Variants in TNR observed in about 807,000 individuals in gnomAD.
The protein encoded by TNR is tenascin-R.
In TNR, 45 loss-of-function variants were observed where a neutral mutation model predicts 150.4. The ratio of observed to expected loss-of-function variants is 0.30; its 90% confidence interval spans 0.24 to 0.38. The LOEUF (loss-of-function observed/expected upper bound fraction) is 0.38, where lower values mean the gene tolerates loss of function less well. TNR is among the 10% of genes least tolerant of loss of function. The pLI, the probability that TNR is intolerant of heterozygous loss-of-function variation, is 1.00. For synonymous variants in TNR, 687 were observed against 678.4 expected, an observed-to-expected ratio of 1.01 and a Z score of -0.20; for missense variants, 1,544 against 1,759.1, an observed-to-expected ratio of 0.88 and a Z score of 2.19.
chr1:175,609,249 T>A (rs1265125509), intron 1 of TNR, among the ~76,000 whole-genome samples: 1 of 152,198 alleles, frequency 6.6e-6, no homozygotes, highest in East Asian at 1.9e-4. Flanking sequence ...GTTTGACTTA[T>A]ATAAATATTA....
intron 2 of TNR, among the ~76,000 whole-genome samples, chr1:175,505,426 C>G (rs1050660860): frequency 6.6e-6 from 1 of 152,258 alleles, no homozygotes. Flanking sequence ...CTCAGCCCTC[C>G]TCCGTTCCCC....
At position 175,657,883 on chromosome 1, in the gene TNR, A is replaced by ATATATATATATATATATATG. The variant is rs1464419575; in HGVS notation, c.-165+85342_-165+85343insCATATATATATATATATATA. Among the ~76,000 whole-genome samples, 181 of 101,092 alleles carry ATATATATATATATATATATG rather than the reference A, an allele frequency of 1.8e-3. 10 individuals are homozygous for ATATATATATATATATATATG. The highest frequency in any genetic ancestry group is 2.6e-3 in the Non-Finnish European group (129 of 48,746). The allele number at this position is 101,092 out of a possible 152,430, so 66.3% of individuals were successfully genotyped here. A position where few individuals can be genotyped will look rare whatever the true frequency, so the allele number is the denominator to read the frequency against. ...TATATATATATATATATATATATATATGTAACAAACCTGCACGTTGTGCAC... is the reference window on the plus strand; with the variant it reads ...TATATATATATATATATATATATATATATATATATATATATATATGTGTAACAAACCTGCACGTTGTGCAC... On this transcript the variant is annotated intron_variant, in intron 1 of 22. Coordinates refer to ENST00000367674, the MANE Select transcript of TNR (RefSeq NM_003285.3).
chr1:175,659,900 T>TC (rs2101895936), intron 1 of TNR, among the ~76,000 whole-genome samples: 1 of 145,186 alleles, frequency 6.9e-6, no homozygotes, highest in Admixed American at 6.8e-5. Context: ...GGGTGTCATT[T>TC]TTTTTTTTTT....
intron 1 of TNR, among the ~76,000 whole-genome samples, chr1:175,662,554 G>A (rs553594267): frequency 1.2e-4 from 18 of 152,362 alleles, no homozygotes; most frequent in Middle Eastern, 3.4e-3. Flanking sequence ...CAGGTAGGCA[G>A]TTGATAATGT....
chr1:175,358,974 G>A (rs944268483), intron 15 of TNR, among the ~76,000 whole-genome samples: 1 of 151,896 alleles, frequency 6.6e-6, no homozygotes, highest in Non-Finnish European at 1.5e-5. Flanking sequence ...TTTCTTGTTT[G>A]TAGCATTTTG....
chr1:175,733,105 G>T (rs1447169717), intron 1 of TNR, among the ~76,000 whole-genome samples: 1 of 152,204 alleles, frequency 6.6e-6, no homozygotes, highest in South Asian at 2.1e-4. Context: ...AACGTTAGAA[G>T]TAAAAATGCT....
At chr1:175,506,076 G>A (rs1658946533) in intron 2 of TNR, among the ~76,000 whole-genome samples, 2 of 152,184 alleles carry the variant, frequency 1.3e-5, no homozygotes, top group African/African-American at 4.8e-5. Flanking sequence ...TAAATGATGA[G>A]CACAATAATT....
At chr1:175,402,951 C>G (rs1045319263) in intron 4 of TNR, among the ~76,000 whole-genome samples, 189 bp downstream of exon 4, 1 of 152,180 alleles carries the variant, frequency 6.6e-6, no homozygotes, top group Non-Finnish European at 1.5e-5. Flanking sequence ...ACTCTTTATC[C>G]CTTTTAATCT....
intron 1 of TNR, among the ~76,000 whole-genome samples, chr1:175,719,677 G>A (rs968184285): frequency 3.3e-5 from 5 of 152,182 alleles, no homozygotes; most frequent in African/African-American, 1.2e-4. Flanking sequence ...AGGAAAGATA[G>A]CCAAGCCCAA....
intron 1 of TNR, among the ~76,000 whole-genome samples, chr1:175,549,431 A>AAC (rs1660847507): frequency 6.6e-6 from 1 of 152,174 alleles, no homozygotes; most frequent in Non-Finnish European, 1.5e-5. Context: ...TAAAAATCTC[A>AAC]ACACTGTGGT....
intron 21 of TNR, 46 bp downstream of exon 21, chr1:175,330,028 G>C: frequency 6.9e-7 from 1 of 1,451,444 alleles, no homozygotes; most frequent in Middle Eastern, 2.5e-4. Context: ...GGGGGCTCTT[G>C]TCCCATGCCC....
chr1:175,320,303 C>T lies in TNR; in HGVS notation c.*3054G>A, dbSNP rs1165811632. On this transcript the variant is annotated 3_prime_UTR_variant, in exon 23 of 23. Coordinates refer to ENST00000367674, the MANE Select transcript of TNR (RefSeq NM_003285.3). Reference sequence around the variant, plus strand: ...GCATTGAGTCAAGTTGACCATAGACCTTGGGATGAGAGTGGGGCACAGTGT... The same window carrying T: ...GCATTGAGTCAAGTTGACCATAGACTTTGGGATGAGAGTGGGGCACAGTGT... 1 of 152,208 alleles carries T rather than the reference C, an allele frequency of 6.6e-6. No individual in the cohort carries two copies. Among genetic ancestry groups the T allele is most frequent in the Admixed American group, 6.5e-5 (1 of 15,278 alleles). The allele number at this position is 152,208 out of a possible 1,614,324, so 9.4% of individuals were successfully genotyped here.
At chr1:175,594,759 GT>G (rs1282335970) in intron 1 of TNR, among the ~76,000 whole-genome samples, 2 of 151,854 alleles carry the variant, frequency 1.3e-5, no homozygotes, top group Non-Finnish European at 2.9e-5. Context: ...GGAGGCTGAG[GT>G]GGGAGGATCA....
chr1:175,644,201 T>G (rs1160488934), intron 1 of TNR, among the ~76,000 whole-genome samples: 2 of 152,170 alleles, frequency 1.3e-5, no homozygotes, highest in African/African-American at 2.4e-5. Context: ...TTTATGAAAA[T>G]GTGCATCAAC....
intron 9 of TNR, among the ~76,000 whole-genome samples, chr1:175,369,510 A>G (rs1651996314): frequency 6.6e-6 from 1 of 152,158 alleles, no homozygotes; most frequent in Admixed American, 6.5e-5. Flanking sequence ...ATCCAGTATG[A>G]CCTCATCTTA....
chr1:175,417,440 T>C lies in TNR; in HGVS notation c.-63-10663A>G, dbSNP rs925400841. ...CTGAAGGGACCATCTTCAGTCTTCA[T>C]GAAGGCTTAAAGTTGATTAACAGTG... On this transcript the variant is annotated intron_variant, in intron 2 of 22. Transcript: ENST00000367674. Among the ~76,000 whole-genome samples the C allele has an allele frequency of 3.3e-5, 5 of 152,188 alleles. No homozygotes were observed. In the South Asian group the frequency reaches 1.0e-3, roughly 31 times the overall value.
chr1:175,481,408 A>T (rs1657804312), intron 2 of TNR, among the ~76,000 whole-genome samples: 1 of 152,152 alleles, frequency 6.6e-6, no homozygotes. Flanking sequence ...TTTGGGCGTA[A>T]GATTCTGAGA....
intron 1 of TNR, among the ~76,000 whole-genome samples, chr1:175,669,430 C>T (rs943067073): frequency 6.6e-6 from 1 of 152,224 alleles, no homozygotes; most frequent in South Asian, 2.1e-4. Flanking sequence ...TCAAATAGGG[C>T]ACCCATGCAG....
chr1:175,326,092 A>G (rs1248577638), intron 21 of TNR, among the ~76,000 whole-genome samples: 1 of 152,186 alleles, frequency 6.6e-6, no homozygotes, highest in Non-Finnish European at 1.5e-5. Context: ...CACAAGTGGA[A>G]TAGACTGCTT....
Sources: allele counts gnomAD v4.1 joint callset (sites outside exome capture counted in the v4.1 genomes callset), GRCh38; gene constraint gnomAD v4.1.1; transcripts MANE v1.5; gene names NCBI Gene and HGNC (gene_info 2026-07-23, HGNC 2026-07-21).